Variants in CRAMP1 observed in about 807,000 individuals in gnomAD.
CRAMP1 encodes the protein cramped chromatin regulator 1, also known as protein cramped-like.
Under a neutral mutation model 115.4 loss-of-function variants are expected in CRAMP1, and 50 were observed. That is an observed-to-expected ratio of 0.43 (90% confidence interval 0.35 to 0.55). CRAMP1 has a LOEUF of 0.55. Ranked by LOEUF, CRAMP1 falls within the 20% of genes least tolerant of loss-of-function variation. The pLI, the probability that CRAMP1 is intolerant of heterozygous loss-of-function variation, is 0.01. For synonymous variants in CRAMP1, 866 were observed against 745.4 expected (o/e 1.16, Z -2.64); for missense variants, 1,679 against 1,721.7 (o/e 0.98, Z 0.44).
chr16:1,631,169 C>T (rs1269267700), intron 3 of CRAMP1, among the ~76,000 whole-genome samples: 1 of 152,222 alleles, frequency 6.6e-6, no homozygotes, highest in Non-Finnish European at 1.5e-5. Context: ...GATTGGAAGT[C>T]CTGTGCCAAG....
At position 1,668,061 on chromosome 16, in the gene CRAMP1, T is replaced by C; in HGVS notation, c.3202T>C (p.Ser1068Pro). The change falls in exon 18 of 21, where the codon TCT becomes CCT. Residue 1068 changes from serine (S) to proline (P), a missense_variant. By Grantham distance (74) the Ser-to-Pro change is moderately conservative. This residue lies in a region of CRAMP1 where 709 missense variants were observed against 741.9 expected (regional missense o/e 0.96). Coordinates refer to ENST00000397412, the MANE Select transcript of CRAMP1 (RefSeq NM_020825.4). ...GTCAGAGAGCTCCAGCACCCGGCTGTCTCCACCAGACGTCTCTGCTCTGCT... is the reference window on the plus strand; with the variant it reads ...GTCAGAGAGCTCCAGCACCCGGCTGCCTCCACCAGACGTCTCTGCTCTGCT... The part of the protein sequence containing the change: ...SSSESSSTRL[S>P]PPDVSALLDI... 1.2e-6 allele frequency: 2 copies of C among 1,613,870 alleles called. No individual in the cohort carries two copies. Among genetic ancestry groups the C allele is most frequent in the Non-Finnish European group, 1.7e-6 (2 of 1,179,854 alleles).
intron 6 of CRAMP1, among the ~76,000 whole-genome samples, chr16:1,644,993 C>T (rs2036661575): frequency 6.6e-6 from 1 of 151,802 alleles, no homozygotes; most frequent in Non-Finnish European, 1.5e-5. Context: ...TGATCCTTCA[C>T]ACCTGACCCA....
intron 20 of CRAMP1, among the ~76,000 whole-genome samples, chr16:1,673,626 G>A (rs1016363372): frequency 8.5e-5 from 13 of 152,190 alleles, no homozygotes; most frequent in Non-Finnish European, 1.6e-4. Flanking sequence ...CATGGCGGGC[G>A]GGGGGACCAG....
chr16:1,655,726 G>A, intron 9 of CRAMP1, 151 bp from the exon 10 acceptor site: 1 of 769,202 alleles, frequency 1.3e-6, no homozygotes, highest in South Asian at 1.8e-5. Context: ...AGCATTGTTG[G>A]GTAGTGGTGT....
intron 8 of CRAMP1, among the ~76,000 whole-genome samples, chr16:1,654,021 T>TAATTC (rs1330111367): frequency 2.7e-5 from 4 of 148,672 alleles, no homozygotes; most frequent in Non-Finnish European, 5.9e-5. Context: ...TGGGTGCTTG[T>TAATTC]AATTCCAGCT....
At position 1,670,504 on chromosome 16, in the gene CRAMP1, G is replaced by A. The variant is rs145237558; in HGVS notation, c.3500-160G>A. 4.4e-4 allele frequency: 309 copies of A among 710,088 alleles called. 1 individual carries two copies. In the East Asian group the frequency reaches 6.7e-3, roughly 15 times the overall value. The allele number at this position is 710,088 out of a possible 1,614,324, so 44.0% of individuals were successfully genotyped here. Reference sequence around the variant, plus strand: ...CTGTTAAACGAGAAGAGCTCGTCACGGCGTGTTGAGTCCCTCGGAAGCTCT... The same window carrying A: ...CTGTTAAACGAGAAGAGCTCGTCACAGCGTGTTGAGTCCCTCGGAAGCTCT... On this transcript the variant is annotated intron_variant, in intron 19 of 20. Coordinates refer to ENST00000397412, the MANE Select transcript of CRAMP1 (RefSeq NM_020825.4).
chr16:1,673,740 C>G (rs1260443170), intron 20 of CRAMP1, 141 bp from the exon 21 acceptor site: 8 of 721,412 alleles, frequency 1.1e-5, no homozygotes, highest in Non-Finnish European at 1.4e-5. Context: ...TGATTCTGCA[C>G]AGAGCCCTGG....
chr16:1,618,241 C>T (rs2036437866), intron 2 of CRAMP1, among the ~76,000 whole-genome samples: 1 of 152,188 alleles, frequency 6.6e-6, no homozygotes, highest in Admixed American at 6.5e-5. Context: ...AAGATTGCGC[C>T]ATTGCACTCC....
intron 3 of CRAMP1, among the ~76,000 whole-genome samples, chr16:1,631,710 G>A (rs1372064759): frequency 1.3e-5 from 2 of 152,218 alleles, no homozygotes; most frequent in Admixed American, 6.5e-5. Flanking sequence ...TGGCCTCCAC[G>A]TATAATCAGA....
At chr16:1,661,024 CAAT>C (rs1023010836) in intron 11 of CRAMP1, among the ~76,000 whole-genome samples, 17 of 150,838 alleles carry the variant, frequency 1.1e-4, no homozygotes, top group Admixed American at 4.0e-4. Flanking sequence ...CAAAAAAAAA[CAAT>C]GAGTTTTCAA....
rs754733822 is a variant in CRAMP1, at chr16:1,666,166, G to A, written c.2846G>A (p.Ser949Asn). ...AAGGTCCTTCCACCCCAGGCCACGA[G>A]TCACCTGGCCAGTAAGTCTGTACCT... ...VPKVLPPQAT[S>N]HLASAIDLAA... is the part of the protein sequence containing the mutation. Residue 949 changes from serine (S) to asparagine (N), a missense_variant, in exon 15 of 21, where the codon AGT becomes AAT. Ser to Asn is a conservative substitution (Grantham distance 46). Coordinates refer to ENST00000397412, the MANE Select transcript of CRAMP1 (RefSeq NM_020825.4). This position sits in a 1 kb window ranked among gnomAD's most constrained non-coding sequence, Gnocchi z 5.0. 8 of 1,605,108 alleles carry A rather than the reference G, an allele frequency of 5.0e-6. No homozygotes were observed. The East Asian group carries it at 1.3e-4, about 27-fold the overall frequency.
At chr16:1,651,742 C>G (rs1167801603) in intron 6 of CRAMP1, among the ~76,000 whole-genome samples, 1 of 146,766 alleles carries the variant, frequency 6.8e-6, no homozygotes, top group African/African-American at 2.6e-5. Context: ...TGAGGTCACA[C>G]AGAGGTCATA....
rs2036738943 is a variant in CRAMP1, at chr16:1,653,139, C to T, written c.1020C>T (p.Ala340=). 1 of 1,609,660 alleles carries T rather than the reference C, an allele frequency of 6.2e-7. No individual in the cohort carries two copies. Among genetic ancestry groups the T allele is most frequent in the Non-Finnish European group, 8.5e-7 (1 of 1,177,998 alleles). ...NHAWARVQSL[A]QNPRLRMIVE... ...CCTGGGCCCGTGTGCAGAGCCTTGC[C>T]CAGAACCCACGCCTCAGGTAACATG... is the stretch of plus-strand genomic sequence containing the variant. The change falls in exon 8 of 21, where the codon GCC becomes GCT. Residue 340 remains alanine (A), a synonymous_variant. Coordinates refer to ENST00000397412, the MANE Select transcript of CRAMP1 (RefSeq NM_020825.4).
At chr16:1,662,141 G>T (rs1302335355) in intron 11 of CRAMP1, among the ~76,000 whole-genome samples, 1 of 152,210 alleles carries the variant, frequency 6.6e-6, no homozygotes. Flanking sequence ...CCTTCACCAG[G>T]AAAGTTGACT....
intron 3 of CRAMP1, 69 bp downstream of exon 3, chr16:1,626,235 C>A: frequency 7.4e-7 from 1 of 1,347,520 alleles, no homozygotes; most frequent in Non-Finnish European, 9.9e-7. Context: ...CTCCGTTCCC[C>A]GTGCTTCCTC....
rs1347846882 is a variant in CRAMP1 at position 1,669,019 on chromosome 16, C to T, written c.3353C>T (p.Ser1118Phe). Residue 1118 changes from serine to phenylalanine, a missense_variant, in exon 19 of 21, where the codon TCT becomes TTT. Around this residue, in one of 8 missense-constraint regions of CRAMP1, gnomAD observed 709 missense variants for 741.9 expected, o/e 0.96. Transcript: ENST00000397412. This position sits in a 1 kb window ranked among gnomAD's most constrained non-coding sequence, Gnocchi z 4.6. ...SGQYGEGVPLSPAKLNGSDSS... is the reference protein window; with the variant it reads ...SGQYGEGVPLFPAKLNGSDSS... ...TTGGCAGGTGAAGGAGTCCCTCTTT[C>T]TCCAGCAAAACTGAATGGCAGTGAC... The T allele has an allele frequency of 5.0e-5, 80 of 1,613,142 alleles. No individual in the cohort carries two copies. Among genetic ancestry groups the T allele is most frequent in the Non-Finnish European group, 6.1e-5 (72 of 1,179,580 alleles).
intron 2 of CRAMP1, among the ~76,000 whole-genome samples, chr16:1,615,748 C>T (rs1022109314): frequency 1.3e-5 from 2 of 152,216 alleles, no homozygotes; most frequent in African/African-American, 4.8e-5. Context: ...CTATTTCAGT[C>T]TTGTGCTTTT....
At position 1,626,101 on chromosome 16, in the gene CRAMP1, G is replaced by T. The variant is rs935288949; in HGVS notation, c.475G>T (p.Val159Phe). ...TGGCGAGAAGGAAGAAGGCAAAAAG[G>T]TCCGGCGGCAGTGGGAGTCGTGGAG... The part of the protein sequence containing the change: ...SGGEKEEGKK[V>F]RRQWESWSTE... Residue 159 changes from valine to phenylalanine, a missense_variant, in exon 3 of 21, where the codon GTC becomes TTC. Coordinates refer to ENST00000397412, the MANE Select transcript of CRAMP1 (RefSeq NM_020825.4). 6.4e-7 allele frequency: 1 copy of T among 1,550,838 alleles called. No homozygotes were observed. The highest frequency in any genetic ancestry group is 8.7e-7 in the Non-Finnish European group (1 of 1,146,544).
In CRAMP1 at chr16:1,620,164, G is replaced by A. The variant is rs567895457; in HGVS notation, c.346+5179G>A. ...CAACTCTGGCTCCAAGACCAGAGCT[G>A]CTGGCACCAGCATCTGATGCGATGT... On this transcript the variant is annotated intron_variant, in intron 2 of 20. Transcript: ENST00000397412. Among the ~76,000 whole-genome samples, 5 of 152,306 alleles carry A rather than the reference G, an allele frequency of 3.3e-5. No individual in the cohort carries two copies. In the South Asian group the frequency reaches 1.0e-3, roughly 32 times the overall value.
Sources: gnomAD v4.1 joint callset for allele counts (sites outside exome capture counted in the v4.1 genomes callset) on GRCh38, gnomAD v4.1.1 for gene constraint, gnomAD v4.1.1 regional missense constraint, Gnocchi (gnomAD v3.1) non-coding constraint, MANE v1.5 for transcripts, NCBI Gene and HGNC (gene_info 2026-07-23, HGNC 2026-07-21) for gene names.